The following PCDH7 variants were observed in gnomAD, a reference collection of about 807,000 sequenced individuals.
PCDH7 encodes protocadherin 7.
In PCDH7, 17 loss-of-function variants were observed where a neutral mutation model predicts 58.9. The ratio of observed to expected loss-of-function variants is 0.29; its 90% CI spans 0.20 to 0.43. The LOEUF (loss-of-function observed/expected upper bound fraction) is 0.43, where lower values mean the gene tolerates loss of function less well. Among genes scored for constraint, PCDH7 ranks in the 20% least tolerant of loss-of-function variants. The pLI, the probability that PCDH7 is intolerant of heterozygous loss-of-function variation, is 1.00. For missense variants in PCDH7, 1,274 were observed against 1,441.0 expected, an observed-to-expected ratio of 0.88 and a Z score of 1.88; for synonymous variants, 664 against 616.4, an observed-to-expected ratio of 1.08 and a Z score of -1.14.
At chr4:30,878,703 G>A (rs1333372192) in intron 1 of PCDH7, among the ~76,000 whole-genome samples, 1 of 151,954 alleles carries the variant, frequency 6.6e-6, no homozygotes, top group Non-Finnish European at 1.5e-5. Context: ...TACAAAAATT[G>A]TCTGGGTTTG....
At chr4:30,749,830 G>A (rs1408189761) in intron 1 of PCDH7, among the ~76,000 whole-genome samples, 1 of 152,094 alleles carries the variant, frequency 6.6e-6, no homozygotes, top group Non-Finnish European at 1.5e-5. Flanking sequence ...ATTAGATTAT[G>A]ATTTTGGTTT....
intron 3 of PCDH7, among the ~76,000 whole-genome samples, chr4:31,032,668 A>AAGGCAGGG (rs1181076977): frequency 1.4e-5 from 1 of 71,174 alleles, no homozygotes; most frequent in South Asian, 6.0e-4. Flanking sequence ...GGAAGGAAGG[A>AAGGCAGGG]AGGGAGGGAG....
chr4:30,984,641 A>G (rs1389203321), intron 3 of PCDH7, among the ~76,000 whole-genome samples: 1 of 152,156 alleles, frequency 6.6e-6, no homozygotes, highest in Non-Finnish European at 1.5e-5. Context: ...GCCTGCCAAT[A>G]TGTAATTCCC....
chr4:30,809,977 T>G lies in PCDH7; in HGVS notation c.70+85381T>G, dbSNP rs979808690. 1.3e-5 allele frequency among the ~76,000 whole-genome samples: 2 copies of G among 152,226 alleles called. 1 individual carries two copies. Among genetic ancestry groups the G allele is most frequent in the Non-Finnish European group, 2.9e-5 (2 of 68,036 alleles). On this transcript the variant is annotated intron_variant, in intron 1 of 3. Coordinates refer to the PCDH7 transcript ENST00000509759. ...TTGCTAAGTTTTTCTTGTTCTTCAA[T>G]GTGCAGCTAACTCAGTGTGGCAGGA...
intron 1 of PCDH7, among the ~76,000 whole-genome samples, chr4:30,792,484 A>T (rs543303911): frequency 6.6e-6 from 1 of 152,284 alleles, no homozygotes; most frequent in African/African-American, 2.4e-5. Flanking sequence ...CTCTATTTTT[A>T]TGGATGTTAA....
chr4:30,909,372 A>C (rs939014831), intron 1 of PCDH7, among the ~76,000 whole-genome samples: 1 of 152,114 alleles, frequency 6.6e-6, no homozygotes, highest in Non-Finnish European at 1.5e-5. Flanking sequence ...ATTCAAATAG[A>C]AAGAGAGGAA....
chr4:31,066,473 G>GCAAA (rs1758104633), intron 3 of PCDH7, among the ~76,000 whole-genome samples: 1 of 151,802 alleles, frequency 6.6e-6, no homozygotes, highest in Non-Finnish European at 1.5e-5. Flanking sequence ...CACACTTAAT[G>GCAAA]CAAACAAAAT....
intron 1 of PCDH7, among the ~76,000 whole-genome samples, chr4:30,742,123 A>C (rs1358304171): frequency 6.6e-6 from 1 of 152,148 alleles, no homozygotes; most frequent in South Asian, 2.1e-4. Flanking sequence ...TTAATAATAA[A>C]ATTGTATGTT....
intron 1 of PCDH7, among the ~76,000 whole-genome samples, chr4:30,842,583 G>C (rs1224705847): frequency 6.6e-6 from 1 of 152,130 alleles, no homozygotes; most frequent in Non-Finnish European, 1.5e-5. Flanking sequence ...GGATTGGATG[G>C]ATGTGTGAAT....
chr4:31,027,038 C>T (rs1754493672), intron 3 of PCDH7, among the ~76,000 whole-genome samples: 1 of 152,164 alleles, frequency 6.6e-6, no homozygotes, highest in African/African-American at 2.4e-5. Flanking sequence ...GCAATTATAA[C>T]ACTAGAATCC....
At chr4:31,125,039 G>C (rs1718134333) in intron 3 of PCDH7, among the ~76,000 whole-genome samples, 1 of 152,190 alleles carries the variant, frequency 6.6e-6, no homozygotes, top group South Asian at 2.1e-4. Context: ...TGCCATGTAG[G>C]ATCTAAAATA....
At chr4:30,954,930 A>T (rs1747697055) in intron 3 of PCDH7, among the ~76,000 whole-genome samples, 1 of 152,124 alleles carries the variant, frequency 6.6e-6, no homozygotes, top group Non-Finnish European at 1.5e-5. Context: ...ACATGTGTTG[A>T]CTTATTTTTC....
intron 3 of PCDH7, among the ~76,000 whole-genome samples, chr4:31,092,935 A>G (rs576859919): frequency 4.6e-5 from 7 of 152,214 alleles, no homozygotes; most frequent in Non-Finnish European, 8.8e-5. Context: ...TTGTCTTTAT[A>G]TAGACGAAAA....
At chr4:30,985,317 A>G (rs1750879087) in intron 3 of PCDH7, among the ~76,000 whole-genome samples, 2 of 152,100 alleles carry the variant, frequency 1.3e-5, no homozygotes, top group African/African-American at 4.8e-5. Flanking sequence ...AAGATCTACT[A>G]ATTATTTATT....
chr4:31,129,016 T>C (rs1718649544), intron 3 of PCDH7, among the ~76,000 whole-genome samples: 2 of 152,310 alleles, frequency 1.3e-5, no homozygotes, highest in African/African-American at 4.8e-5. Context: ...ATTCTACCTG[T>C]GGCCATTGTG....
At chr4:31,040,745 T>C (rs1396058793) in intron 3 of PCDH7, among the ~76,000 whole-genome samples, 1 of 151,882 alleles carries the variant, frequency 6.6e-6, no homozygotes, top group Non-Finnish European at 1.5e-5. Flanking sequence ...CAATTTGAGT[T>C]AAAAAAAAGA....
chr4:30,868,703 G>T (rs1190076324), intron 1 of PCDH7, among the ~76,000 whole-genome samples: 2 of 151,990 alleles, frequency 1.3e-5, no homozygotes, highest in Middle Eastern at 3.2e-3. Flanking sequence ...CCTGGAATAG[G>T]CCTGTTGTTT....
chr4:31,118,848 T>C (rs571099756), intron 3 of PCDH7, among the ~76,000 whole-genome samples: 2 of 152,032 alleles, frequency 1.3e-5, no homozygotes, highest in Non-Finnish European at 2.9e-5. Flanking sequence ...TCCCCAAGGA[T>C]CAAAATTTTA....
At position 30,720,462 on chromosome 4, in the gene PCDH7, T is replaced by C. The variant is rs2109221610; in HGVS notation, c.-961T>C. ...GGACTCTGCGGCTGCGAACCCAAAC[T>C]TGGGCACCGCACGGTGCGCACTGCT... On this transcript the variant is annotated 5_prime_UTR_variant, in exon 1 of 2. Transcript: ENST00000361762. The surrounding 1 kb of genome is among the most constrained non-coding windows in gnomAD (Gnocchi z 4.7). The C allele has an allele frequency of 6.5e-6, 1 of 152,798 alleles. No individual in the cohort carries two copies. The highest frequency in any genetic ancestry group is 1.5e-5 in the Non-Finnish European group (1 of 68,090). The allele number at this position is 152,798 out of a possible 1,614,324, so 9.5% of individuals were successfully genotyped here.
Sources: allele counts gnomAD v4.1 joint callset (sites outside exome capture counted in the v4.1 genomes callset), GRCh38; gene constraint gnomAD v4.1.1; non-coding constraint Gnocchi (gnomAD v3.1); transcripts MANE v1.5; gene names NCBI Gene and HGNC (gene_info 2026-07-23, HGNC 2026-07-21).